Variants in LDLRAD3 observed in about 807,000 individuals in gnomAD.
The protein encoded by LDLRAD3 is low density lipoprotein receptor class A domain containing 3.
Under a neutral mutation model 29.4 loss-of-function variants are expected in LDLRAD3, and 20 were observed. The observed-to-expected ratio is 0.68, with a 90% CI of 0.48 to 0.99. The LOEUF is 0.99. LDLRAD3 is among the 50% of genes least tolerant of loss of function. The probability of loss-of-function intolerance (pLI) is 0.00; values close to 1 mark genes in which losing one functional copy is unlikely to be tolerated. For synonymous variants in LDLRAD3, 157 were observed against 192.7 expected, an observed-to-expected ratio of 0.81 and a Z score of 1.53; for missense variants, 420 against 454.3, an observed-to-expected ratio of 0.92 and a Z score of 0.69.
rs527851848 is a variant in LDLRAD3, at chr11:36,048,068, A to T, written c.193+11819A>T. ...CATCTTCTGCCTTCCCCAGGGATGC[A>T]TTGTGCCATGTAAGAGAGAGAGCCT... On this transcript the variant is annotated intron_variant, in intron 2 of 5. Transcript: ENST00000315571. 6.6e-5 allele frequency among the ~76,000 whole-genome samples: 10 copies of T among 152,264 alleles called. No homozygotes were observed. In the South Asian group the frequency reaches 1.7e-3, roughly 25 times the overall value.
chr11:36,179,517 C>T (rs940082659), intron 4 of LDLRAD3, among the ~76,000 whole-genome samples: 5 of 152,190 alleles, frequency 3.3e-5, no homozygotes, highest in African/African-American at 1.2e-4. Context: ...TTTTTACAAG[C>T]GTCTCAGCTC....
intron 4 of LDLRAD3, among the ~76,000 whole-genome samples, chr11:36,114,320 G>C (rs1347194183): frequency 6.6e-6 from 1 of 152,288 alleles, no homozygotes; most frequent in Admixed American, 6.5e-5. Context: ...GGTGCCAACC[G>C]GGAGAAATCT....
At chr11:36,029,882 G>T (rs10768173) in intron 1 of LDLRAD3, among the ~76,000 whole-genome samples, 11 of 151,982 alleles carry the variant, frequency 7.2e-5, no homozygotes, top group African/African-American at 2.7e-4. Flanking sequence ...TCACTATCCC[G>T]GTGACTGGCT....
intron 2 of LDLRAD3, among the ~76,000 whole-genome samples, chr11:36,050,113 G>A (rs949600299): frequency 3.9e-5 from 6 of 152,178 alleles, no homozygotes; most frequent in Non-Finnish European, 1.5e-5. Flanking sequence ...ATCACATAGA[G>A]AGCTAAGAGA....
intron 2 of LDLRAD3, among the ~76,000 whole-genome samples, chr11:36,040,924 G>C (rs1852373683): frequency 6.6e-6 from 1 of 151,914 alleles, no homozygotes. Context: ...GCTAGATTGA[G>C]TGTTTTCCCT....
At chr11:35,984,909 C>A (rs994444176) in intron 1 of LDLRAD3, among the ~76,000 whole-genome samples, 66 of 151,022 alleles carry the variant, frequency 4.4e-4, no homozygotes, top group African/African-American at 1.5e-3. Flanking sequence ...GGATTACAGG[C>A]GTGAGCCACC....
At chr11:36,050,878 T>C (rs1852516825) in intron 2 of LDLRAD3, among the ~76,000 whole-genome samples, 1 of 152,198 alleles carries the variant, frequency 6.6e-6, no homozygotes, top group African/African-American at 2.4e-5. Flanking sequence ...TGGTGTTTGG[T>C]GAGGGCTCGC....
chr11:36,096,273 T>C (rs2133271762), intron 3 of LDLRAD3, among the ~76,000 whole-genome samples: 1 of 152,346 alleles, frequency 6.6e-6, no homozygotes, highest in Non-Finnish European at 1.5e-5. Flanking sequence ...GCAGCTGTGA[T>C]CTCTGTGTGT....
chr11:36,062,734 C>G (rs756750687), intron 2 of LDLRAD3, among the ~76,000 whole-genome samples: 2 of 152,154 alleles, frequency 1.3e-5, no homozygotes, highest in Admixed American at 6.6e-5. Context: ...TGGCACTTCT[C>G]GCTGCCGCCA....
At position 36,026,705 on chromosome 11, in the gene LDLRAD3, C is replaced by T. The variant is rs114119403; in HGVS notation, c.47-9398C>T. Among the ~76,000 whole-genome samples, 663 of 152,286 alleles carry T rather than the reference C, an allele frequency of 4.4e-3. 3 individuals are homozygous for T. The highest frequency in any genetic ancestry group is 0.012 in the African/African-American group (489 of 41,550). ...CTCATTGCTCATTATATGCTAATTA[C>T]GATGCATTAGCATGCTAAAAGACAC... is the stretch of plus-strand genomic sequence containing the variant. On this transcript the variant is annotated intron_variant, in intron 1 of 5. Coordinates refer to ENST00000315571, the MANE Select transcript of LDLRAD3 (RefSeq NM_174902.4).
intron 2 of LDLRAD3, among the ~76,000 whole-genome samples, chr11:36,070,622 A>T (rs1216317348): frequency 6.6e-6 from 1 of 152,212 alleles, no homozygotes; most frequent in African/African-American, 2.4e-5. Flanking sequence ...CTGTGGGTAT[A>T]AGAAGGTGGT....
chr11:36,191,538 GTCTCTCTC>G lies in LDLRAD3; in HGVS notation c.455-35515_455-35508del, dbSNP rs751965155. On this transcript the variant is annotated intron_variant, in intron 4 of 5. Transcript: ENST00000315571. ...AGCCTGGGTGACAGAGCAAGACCCTGTCTCTCTCTCTCTCTCTCTCTCTCTCTCTCTCT... is the reference window on the plus strand; with the variant it reads ...AGCCTGGGTGACAGAGCAAGACCCTGTCTCTCTCTCTCTCTCTCTCTCTCT... 3.1e-3 allele frequency among the ~76,000 whole-genome samples: 171 copies of G among 55,692 alleles called. 3 individuals are homozygous for G. Among genetic ancestry groups the G allele is most frequent in the African/African-American group, 0.012 (152 of 12,956 alleles). The allele number at this position is 55,692 out of a possible 152,430, so 36.5% of individuals were successfully genotyped here.
At chr11:36,030,440 G>A (rs1852222348) in intron 1 of LDLRAD3, among the ~76,000 whole-genome samples, 1 of 1,274 alleles carries the variant, frequency 7.8e-4, no homozygotes, top group African/African-American at 2.3e-3. Context: ...CATGGAGTGT[G>A]TGTGTGTGTG....
chr11:36,199,585 A>ACACACACG (rs771281624), intron 4 of LDLRAD3, among the ~76,000 whole-genome samples: 64 of 150,470 alleles, frequency 4.3e-4, no homozygotes, highest in Middle Eastern at 3.4e-3. Context: ...ACACACACAC[A>ACACACACG]CACGCACGCA....
chr11:36,141,920 A>G (rs1452366456), intron 4 of LDLRAD3, among the ~76,000 whole-genome samples: 1 of 152,248 alleles, frequency 6.6e-6, no homozygotes, highest in Non-Finnish European at 1.5e-5. Flanking sequence ...TTAAGCTGCA[A>G]TATCGATCTG....
Position 36,189,727 on chromosome 11 carries a change from C to G in LDLRAD3, c.455-37358C>G, listed in dbSNP as rs867045406. On this transcript the variant is annotated intron_variant, in intron 4 of 5. Coordinates refer to ENST00000315571, the MANE Select transcript of LDLRAD3 (RefSeq NM_174902.4). ...ATATCTCCTAATGCTTTCCCTCCCC[C>G]CTTCCCCCACCCCACAACAGGCCCC... 5.9e-5 allele frequency among the ~76,000 whole-genome samples: 9 copies of G among 152,214 alleles called. No individual in the cohort carries two copies. In the East Asian group the frequency reaches 7.7e-4, roughly 13 times the overall value.
chr11:35,976,436 T>C (rs1851476694), intron 1 of LDLRAD3, among the ~76,000 whole-genome samples: 1 of 151,980 alleles, frequency 6.6e-6, no homozygotes. Flanking sequence ...AAACAGGTGA[T>C]GAGAGTTGGC....
At chr11:36,041,235 C>T (rs1194867792) in intron 2 of LDLRAD3, among the ~76,000 whole-genome samples, 1 of 152,188 alleles carries the variant, frequency 6.6e-6, no homozygotes, top group Non-Finnish European at 1.5e-5. Context: ...CCACACTATC[C>T]CAGGCATTTT....
At chr11:36,161,985 C>T (rs1248725185) in intron 4 of LDLRAD3, among the ~76,000 whole-genome samples, 1 of 152,166 alleles carries the variant, frequency 6.6e-6, no homozygotes, top group Non-Finnish European at 1.5e-5. Context: ...AAAATAATCA[C>T]CCCTAGAGAG....
Sources: gnomAD v4.1 joint callset for allele counts (sites outside exome capture counted in the v4.1 genomes callset) on GRCh38, gnomAD v4.1.1 for gene constraint, MANE v1.5 for transcripts, NCBI Gene and HGNC (gene_info 2026-07-23, HGNC 2026-07-21) for gene names.